The following SH2D4B variants were observed in gnomAD, a reference collection of about 807,000 sequenced individuals.
SH2D4B encodes the protein SH2 domain-containing protein 4B.
In SH2D4B, 45 loss-of-function variants were observed where a neutral mutation model predicts 61.5. That is an observed-to-expected ratio of 0.73 (90% confidence interval 0.58 to 0.94). The LOEUF is 0.94. SH2D4B is among the 40% of genes least tolerant of loss of function. The probability of loss-of-function intolerance (pLI) is 0.00; values close to 1 mark genes in which losing one functional copy is unlikely to be tolerated. For missense variants in SH2D4B, 572 were observed against 574.2 expected (o/e 1.00, Z 0.04); for synonymous variants, 224 against 220.4 (o/e 1.02, Z -0.14).
chr10:80,546,806 C>T (rs1053558631), intron 1 of SH2D4B, among the ~76,000 whole-genome samples: 1 of 152,150 alleles, frequency 6.6e-6, no homozygotes, highest in Non-Finnish European at 1.5e-5. Context: ...GGATTACAGG[C>T]GTGAGCCACC....
intron 3 of SH2D4B, among the ~76,000 whole-genome samples, chr10:80,586,069 G>A (rs1373481739): frequency 6.6e-6 from 1 of 152,180 alleles, no homozygotes; most frequent in Non-Finnish European, 1.5e-5. Flanking sequence ...CCGGCCCAGC[G>A]GCACTGCACT....
In SH2D4B at chr10:80,603,605, G is replaced by A. The variant is rs753265228; in HGVS notation, c.670G>A (p.Glu224Lys). Residue 224 changes from glutamate to lysine, a missense_variant, in exon 5 of 8, where the codon GAG (glutamate) becomes AAG (lysine). Glu to Lys is a moderately conservative substitution (Grantham distance 56, BLOSUM62 1). Coordinates refer to ENST00000646907, the MANE Select transcript of SH2D4B (RefSeq NM_001388272.1). Reference sequence around the variant, plus strand: ...GCGCCGGTCCAAGGCGGCTGATGAGGAGAGGAGCCGCCGAGCCCAGCGCGC... The same window carrying A: ...GCGCCGGTCCAAGGCGGCTGATGAGAAGAGGAGCCGCCGAGCCCAGCGCGC... ...QLRRSKAADE[E>K]RSRRAQRARD... 6.4e-7 allele frequency: 1 copy of A among 1,570,826 alleles called. No homozygotes were observed. The highest frequency in any genetic ancestry group is 1.3e-5 in the African/African-American group (1 of 74,372).
chr10:80,571,777 T>C (rs868240876), intron 3 of SH2D4B, among the ~76,000 whole-genome samples, 199 bp downstream of exon 3: 2 of 127,226 alleles, frequency 1.6e-5, no homozygotes, highest in Admixed American at 7.8e-5. Context: ...TTTTTTTTTC[T>C]TTTTTTTTTT....
chr10:80,601,918 T>C (rs141957059), intron 4 of SH2D4B, among the ~76,000 whole-genome samples: 1 of 152,314 alleles, frequency 6.6e-6, no homozygotes, highest in East Asian at 1.9e-4. Context: ...ATTAGCCTGG[T>C]GCAATTAGAA....
chr10:80,555,002 CA>C (rs35160548), intron 1 of SH2D4B, among the ~76,000 whole-genome samples: 15,396 of 63,426 alleles, frequency 0.24, 460 homozygotes, highest in East Asian at 0.43. Flanking sequence ...AGGCGAGTCT[CA>C]AAAAAAAAAA....
chr10:80,638,227 G>C (rs1359970284), intron 7 of SH2D4B, among the ~76,000 whole-genome samples: 1 of 152,288 alleles, frequency 6.6e-6, no homozygotes, highest in East Asian at 1.9e-4. Context: ...TGTTCATCAG[G>C]GATATTGGTC....
intron 7 of SH2D4B, among the ~76,000 whole-genome samples, chr10:80,642,842 G>T (rs560457932): frequency 6.6e-6 from 1 of 152,318 alleles, no homozygotes; most frequent in Admixed American, 6.5e-5. Context: ...AGATCTGCCA[G>T]ATTGCCCTCC....
At chr10:80,570,834 T>C (rs73307148) in intron 2 of SH2D4B, among the ~76,000 whole-genome samples, 436 of 152,288 alleles carry the variant, frequency 2.9e-3, no homozygotes, top group African/African-American at 0.01. Flanking sequence ...ATCTTTTACA[T>C]GCATCTTTGT....
chr10:80,634,244 G>A (rs1842867665), intron 6 of SH2D4B, 41 bp from the exon 7 acceptor site: 1 of 1,480,970 alleles, frequency 6.8e-7, no homozygotes, highest in Non-Finnish European at 9.0e-7. Flanking sequence ...GGCAGTCGCA[G>A]AACCTGCTGT....
At chr10:80,543,038 G>A (rs1230723385) in intron 1 of SH2D4B, among the ~76,000 whole-genome samples, 1 of 152,008 alleles carries the variant, frequency 6.6e-6, no homozygotes, top group Admixed American at 6.6e-5. Context: ...GGGGCCTAAG[G>A]GACTCACCCT....
chr10:80,603,536 T>C (rs1564780670), intron 4 of SH2D4B, 43 bp from the exon 5 acceptor site: 1 of 1,480,106 alleles, frequency 6.8e-7, no homozygotes, highest in East Asian at 2.5e-5. Flanking sequence ...GTGCACCGCC[T>C]GGGCTGCGGA....
At chr10:80,550,404 T>C (rs550425306) in intron 1 of SH2D4B, among the ~76,000 whole-genome samples, 6 of 152,128 alleles carry the variant, frequency 3.9e-5, no homozygotes, top group Non-Finnish European at 7.4e-5. Flanking sequence ...CCATCCTGGC[T>C]AACATGGTGA....
chr10:80,551,173 C>G (rs996050801), intron 1 of SH2D4B, among the ~76,000 whole-genome samples: 3 of 152,212 alleles, frequency 2.0e-5, no homozygotes, highest in Admixed American at 6.5e-5. Flanking sequence ...CTGCCTCAGC[C>G]TCCTGAGTAG....
intron 6 of SH2D4B, 57 bp from the exon 7 acceptor site, chr10:80,634,225 CGTG>C: frequency 6.8e-7 from 1 of 1,471,214 alleles, no homozygotes. Context: ...AGTGGAGAAT[CGTG>C]GGGGAGGCAG....
At chr10:80,588,318 T>C (rs1345035029) in intron 3 of SH2D4B, among the ~76,000 whole-genome samples, 1 of 152,184 alleles carries the variant, frequency 6.6e-6, no homozygotes, top group Non-Finnish European at 1.5e-5. Context: ...CTGGTTGTGG[T>C]GATCTGGTGA....
At chr10:80,557,729 A>G (rs996222431) in intron 1 of SH2D4B, among the ~76,000 whole-genome samples, 2 of 152,070 alleles carry the variant, frequency 1.3e-5, no homozygotes, top group Non-Finnish European at 2.9e-5. Flanking sequence ...CTCTCTTACT[A>G]TCTTGATCAG....
intron 3 of SH2D4B, among the ~76,000 whole-genome samples, chr10:80,577,904 A>G (rs572840267): frequency 1.9e-4 from 29 of 152,268 alleles, no homozygotes; most frequent in Admixed American, 1.7e-3. Context: ...TCAGCAGTAG[A>G]CAACCAAAAA....
chr10:80,626,102 G>A (rs138522530), intron 6 of SH2D4B, among the ~76,000 whole-genome samples: 279 of 152,032 alleles, frequency 1.8e-3, no homozygotes, highest in Admixed American at 3.7e-3. Context: ...TTGACCTGCA[G>A]TATCTGTGCT....
At chr10:80,599,870 T>A (rs1842430994) in intron 4 of SH2D4B, among the ~76,000 whole-genome samples, 1 of 152,122 alleles carries the variant, frequency 6.6e-6, no homozygotes, top group African/African-American at 2.4e-5. Context: ...GTCAGAGGCT[T>A]TTCCTGCTCA....
Sources: allele counts gnomAD v4.1 joint callset (sites outside exome capture counted in the v4.1 genomes callset), GRCh38; gene constraint gnomAD v4.1.1; transcripts MANE v1.5; gene names NCBI Gene and HGNC (gene_info 2026-07-23, HGNC 2026-07-21).